Variants in CDH20 observed in about 807,000 individuals in gnomAD.
CDH20 encodes cadherin-20.
CDH20 carries 29 observed loss-of-function variants against 74.2 expected under a neutral mutation model. The ratio of observed to expected loss-of-function variants is 0.39; its 90% confidence interval spans 0.29 to 0.53. The LOEUF (loss-of-function observed/expected upper bound fraction) is 0.53, where lower values mean the gene tolerates loss of function less well. Among genes scored for constraint, CDH20 ranks in the 20% least tolerant of loss-of-function variants. The pLI is 0.69. For synonymous variants in CDH20, 469 were observed against 405.4 expected (o/e 1.16, Z -1.88); for missense variants, 988 against 1,048.3 (o/e 0.94, Z 0.79).
chr18:61,385,705 G>A (rs1450364888), intron 1 of CDH20, among the ~76,000 whole-genome samples: 1 of 152,090 alleles, frequency 6.6e-6, no homozygotes, highest in Non-Finnish European at 1.5e-5. Context: ...GGTCAAGGTG[G>A]GCAGATCACA....
intron 1 of CDH20, among the ~76,000 whole-genome samples, chr18:61,476,756 G>A (rs1910403013): frequency 6.6e-6 from 1 of 152,166 alleles, no homozygotes; most frequent in Non-Finnish European, 1.5e-5. Context: ...TCCTGATGGT[G>A]CCAGTCACTT....
At chr18:61,347,347 CA>C (rs1910160268) in intron 1 of CDH20, among the ~76,000 whole-genome samples, 1 of 120,464 alleles carries the variant, frequency 8.3e-6, no homozygotes, top group African/African-American at 3.2e-5. Flanking sequence ...CACACACACA[CA>C]CACATATATA....
Position 61,554,942 on chromosome 18 carries a change from C to A in CDH20, c.*247C>A. 7.4e-7 allele frequency: 1 copy of A among 1,358,274 alleles called. No individual in the cohort carries two copies. The highest frequency in any genetic ancestry group is 9.5e-7 in the Non-Finnish European group (1 of 1,056,348). The allele number at this position is 1,358,274 out of a possible 1,614,324, so 84.1% of individuals were successfully genotyped here. On this transcript the variant is annotated 3_prime_UTR_variant, in exon 12 of 12. Transcript: ENST00000262717. Reference sequence around the variant, plus strand: ...TTTCTTTTCTTTTTGATTTTTCTGACACTGTGTGCGAAGGCTTGGAGTCCA... The same window carrying A: ...TTTCTTTTCTTTTTGATTTTTCTGAAACTGTGTGCGAAGGCTTGGAGTCCA...
At chr18:61,448,976 G>C (rs1909288734) in intron 1 of CDH20, among the ~76,000 whole-genome samples, 2 of 152,192 alleles carry the variant, frequency 1.3e-5, no homozygotes, top group African/African-American at 4.8e-5. Context: ...CCTTGCTGAT[G>C]ATATCAGATG....
Position 61,503,118 on chromosome 18 carries a change from AGAGT to A in CDH20, c.829+3_829+6del. The A allele has an allele frequency of 6.2e-7, 1 of 1,604,668 alleles. No homozygotes were observed. Among genetic ancestry groups the A allele is most frequent in the Non-Finnish European group, 8.5e-7 (1 of 1,175,430 alleles). On this transcript the variant is annotated splice_donor_variant and coding_sequence_variant, in exon 5 of 12. Coordinates refer to ENST00000262717, the MANE Select transcript of CDH20 (RefSeq NM_031891.4). LOFTEE classifies it high-confidence loss of function. ...AATGATAACCCACCCCGCTTTCCCCAGAGTGAGTACCTAACCCAAGAGAGCACAG... is the reference window on the plus strand; with the variant it reads ...AATGATAACCCACCCCGCTTTCCCCAGAGTACCTAACCCAAGAGAGCACAG...
intron 1 of CDH20, among the ~76,000 whole-genome samples, chr18:61,415,247 C>T (rs1329852524): frequency 6.6e-6 from 1 of 152,028 alleles, no homozygotes; most frequent in Non-Finnish European, 1.5e-5. Context: ...CATCTGAGTC[C>T]AATGGGTCCT....
intron 9 of CDH20, among the ~76,000 whole-genome samples, chr18:61,543,864 T>G (rs538843800): frequency 6.6e-6 from 1 of 152,254 alleles, no homozygotes; most frequent in East Asian, 1.9e-4. Context: ...CCTGAAATAT[T>G]GGGCCAGTGA....
At chr18:61,465,598 GAA>G (rs34570273) in intron 1 of CDH20, among the ~76,000 whole-genome samples, 3,615 of 145,956 alleles carry the variant, frequency 0.025, 106 homozygotes, top group African/African-American at 0.075. Flanking sequence ...ATTACATGGG[GAA>G]AAAAAAAAAA....
intron 1 of CDH20, among the ~76,000 whole-genome samples, chr18:61,379,524 A>C (rs1911362456): frequency 6.6e-6 from 1 of 152,198 alleles, no homozygotes. Context: ...GAGAAAAGGA[A>C]AGTCTATGGA....
intron 2 of CDH20, among the ~76,000 whole-genome samples, chr18:61,493,266 G>C (rs1020174157): frequency 6.6e-6 from 1 of 151,910 alleles, no homozygotes; most frequent in African/African-American, 2.4e-5. Context: ...CTCTAGGCTC[G>C]GTCATGACCA....
chr18:61,552,771 T>C (rs377139894), intron 11 of CDH20, among the ~76,000 whole-genome samples: 8 of 152,218 alleles, frequency 5.3e-5, no homozygotes, highest in African/African-American at 1.4e-4. Context: ...TTGCTTAGCA[T>C]AGAGGATTAA....
intron 1 of CDH20, among the ~76,000 whole-genome samples, chr18:61,391,087 T>G (rs887078747): frequency 6.6e-6 from 1 of 152,206 alleles, no homozygotes. Flanking sequence ...TTTTGCTATG[T>G]ACATATGACA....
At chr18:61,351,495 A>G (rs1477512401) in intron 1 of CDH20, among the ~76,000 whole-genome samples, 1 of 152,206 alleles carries the variant, frequency 6.6e-6, no homozygotes, top group Non-Finnish European at 1.5e-5. Flanking sequence ...ATTACATTTG[A>G]TTATCAATAT....
chr18:61,383,462 T>C lies in CDH20; in HGVS notation c.-153+49635T>C, dbSNP rs113044476. Among the ~76,000 whole-genome samples, 1,425 of 152,098 alleles carry C rather than the reference T, an allele frequency of 9.4e-3. 21 individuals are homozygous for C. The highest frequency in any genetic ancestry group is 0.032 in the African/African-American group (1,344 of 41,492). On this transcript the variant is annotated intron_variant, in intron 1 of 11. Coordinates refer to ENST00000262717, the MANE Select transcript of CDH20 (RefSeq NM_031891.4). ...CAGGCATGGTGGCATGGGCCTGTAA[T>C]CCCAGCTACTTGGTAGACCAAGGCA... is the stretch of plus-strand genomic sequence containing the variant.
intron 1 of CDH20, among the ~76,000 whole-genome samples, chr18:61,412,916 G>C (rs1440820780): frequency 6.6e-6 from 1 of 152,122 alleles, no homozygotes; most frequent in African/African-American, 2.4e-5. Context: ...TAGGAAAGAG[G>C]TTACAAGGTA....
At chr18:61,432,024 G>C (rs1913271614) in intron 1 of CDH20, among the ~76,000 whole-genome samples, 1 of 151,882 alleles carries the variant, frequency 6.6e-6, no homozygotes, top group Non-Finnish European at 1.5e-5. Flanking sequence ...ATCACCTGAA[G>C]TAATGAGGTC....
At position 61,499,213 on chromosome 18, in the gene CDH20, G is replaced by C. The variant is rs1246582371; in HGVS notation, c.274G>C (p.Gly92Arg). ...TCATTCAGATATGGACAGGGGAGAC[G>C]GATCCATCAAATACATCCTCTCGGG... Reference protein sequence around the residue: ...KLHSDMDRGDGSIKYILSGEG... With the variant: ...KLHSDMDRGDRSIKYILSGEG... The change falls in exon 3 of 12, where the codon GGA becomes CGA. Residue 92 changes from glycine to arginine, a missense_variant. Gly to Arg is a moderately radical substitution (Grantham distance 125, BLOSUM62 -2). Transcript: ENST00000262717. 6.3e-7 allele frequency: 1 copy of C among 1,599,806 alleles called. No individual in the cohort carries two copies. The highest frequency in any genetic ancestry group is 2.2e-5 in the East Asian group (1 of 44,610).
chr18:61,423,042 T>A (rs1245208948), intron 1 of CDH20, among the ~76,000 whole-genome samples: 3 of 152,226 alleles, frequency 2.0e-5, no homozygotes, highest in African/African-American at 4.8e-5. Context: ...TACAACTTTA[T>A]CATTGTCAGT....
intron 6 of CDH20, among the ~76,000 whole-genome samples, chr18:61,522,068 G>A (rs1359346629): frequency 6.6e-6 from 1 of 152,162 alleles, no homozygotes; most frequent in Non-Finnish European, 1.5e-5. Context: ...GTTTTGGCCA[G>A]GGCAATTGGG....
Sources: gnomAD v4.1 joint callset for allele counts (sites outside exome capture counted in the v4.1 genomes callset) on GRCh38, gnomAD v4.1.1 for gene constraint, MANE v1.5 for transcripts, NCBI Gene and HGNC (gene_info 2026-07-23, HGNC 2026-07-21) for gene names.